Variants in GTF2IRD1 observed in about 807,000 individuals in gnomAD.
GTF2IRD1 encodes GTF2I repeat domain containing 1, also known as general transcription factor II-I repeat domain-containing protein 1.
In GTF2IRD1, 26 loss-of-function variants were observed where a neutral mutation model predicts 113.2. That is an observed-to-expected ratio of 0.23 (90% CI 0.17 to 0.32). The LOEUF (loss-of-function observed/expected upper bound fraction) is 0.32. Ranked by LOEUF, GTF2IRD1 falls within the 10% of genes least tolerant of loss-of-function variation. GTF2IRD1 has a pLI of 1.00. For missense variants in GTF2IRD1, 864 were observed against 1,280.8 expected, an observed-to-expected ratio of 0.67 and a Z score of 4.97; for synonymous variants, 484 against 529.1, an observed-to-expected ratio of 0.91 and a Z score of 1.17.
chr7:74,456,886 C>T (rs535410370), intron 1 of GTF2IRD1, among the ~76,000 whole-genome samples: 1 of 152,244 alleles, frequency 6.6e-6, no homozygotes, highest in South Asian at 2.1e-4. Context: ...CTCTTTTCCT[C>T]TCCTTCAGGA....
intron 1 of GTF2IRD1, among the ~76,000 whole-genome samples, chr7:74,485,564 C>A (rs1794974738): frequency 6.6e-6 from 1 of 151,616 alleles, no homozygotes; most frequent in African/African-American, 2.4e-5. Flanking sequence ...TTGCAGTGAG[C>A]CGAGATAGTG....
intron 25 of GTF2IRD1, 96 bp from the exon 26 acceptor site, chr7:74,600,948 G>A (rs1234509373): frequency 1.1e-5 from 15 of 1,385,532 alleles, no homozygotes; most frequent in East Asian, 2.3e-5. Context: ...AGGGGGACTC[G>A]AAACCTTAAG....
intron 22 of GTF2IRD1, among the ~76,000 whole-genome samples, chr7:74,567,339 GA>G (rs1288060009): frequency 1.7e-4 from 25 of 144,440 alleles, no homozygotes; most frequent in African/African-American, 2.3e-4. Context: ...AAATAAAAAA[GA>G]AAAAAAAAAG....
intron 1 of GTF2IRD1, among the ~76,000 whole-genome samples, chr7:74,502,234 C>T (rs1013853043): frequency 7.9e-5 from 12 of 152,204 alleles, no homozygotes; most frequent in African/African-American, 2.9e-4. Context: ...CCACCATGCC[C>T]GGCCAGAAAG....
intron 2 of GTF2IRD1, among the ~76,000 whole-genome samples, chr7:74,510,783 T>C (rs1584558588): frequency 6.6e-6 from 1 of 151,922 alleles, no homozygotes; most frequent in South Asian, 2.1e-4. Context: ...GCGCAATGGC[T>C]CACGCATATA....
chr7:74,546,140 G>A (rs1554353193), intron 16 of GTF2IRD1, among the ~76,000 whole-genome samples: 2 of 151,130 alleles, frequency 1.3e-5, no homozygotes, highest in East Asian at 1.9e-4. Context: ...GGGTCCTCAA[G>A]AAGACTCATA....
At chr7:74,480,928 A>G (rs1247599659) in intron 1 of GTF2IRD1, among the ~76,000 whole-genome samples, 2 of 152,044 alleles carry the variant, frequency 1.3e-5, no homozygotes, top group South Asian at 2.1e-4. Context: ...AGAAGCCTAG[A>G]TGAAGGGCAG....
At chr7:74,520,261 A>G (rs1305027303) in intron 6 of GTF2IRD1, among the ~76,000 whole-genome samples, 2 of 152,002 alleles carry the variant, frequency 1.3e-5, no homozygotes, top group Non-Finnish European at 2.9e-5. Flanking sequence ...AGCCTGATTA[A>G]GGGCACTGGG....
At chr7:74,474,060 C>T (rs1408477622) in intron 1 of GTF2IRD1, among the ~76,000 whole-genome samples, 1 of 135,628 alleles carries the variant, frequency 7.4e-6, no homozygotes, top group Non-Finnish European at 1.6e-5. Context: ...CCCATCTCTA[C>T]TAAAAATACA....
At chr7:74,585,851 C>T (rs1419729786) in intron 22 of GTF2IRD1, among the ~76,000 whole-genome samples, 2 of 151,394 alleles carry the variant, frequency 1.3e-5, no homozygotes, top group African/African-American at 4.9e-5. Flanking sequence ...CACTGCACTC[C>T]AGTCCAGCCT....
At chr7:74,480,464 C>A (rs1163309387) in intron 1 of GTF2IRD1, among the ~76,000 whole-genome samples, 5 of 152,228 alleles carry the variant, frequency 3.3e-5, no homozygotes, top group African/African-American at 1.2e-4. Context: ...TGCAGGGAGC[C>A]GTGGCCCTGC....
At chr7:74,559,416 C>T (rs1338794777) in intron 21 of GTF2IRD1, among the ~76,000 whole-genome samples, 1 of 152,266 alleles carries the variant, frequency 6.6e-6, no homozygotes, top group Non-Finnish European at 1.5e-5. Flanking sequence ...AGGTCTGCGT[C>T]CTGCAGAGTG....
intron 1 of GTF2IRD1, among the ~76,000 whole-genome samples, chr7:74,481,639 G>A (rs1276035104): frequency 6.6e-6 from 1 of 152,166 alleles, no homozygotes; most frequent in African/African-American, 2.4e-5. Flanking sequence ...TGCCCCTGAG[G>A]TCATCCTGTC....
chr7:74,562,316 C>T (rs1370249947), intron 22 of GTF2IRD1, among the ~76,000 whole-genome samples: 8 of 152,044 alleles, frequency 5.3e-5, no homozygotes, highest in Non-Finnish European at 7.4e-5. Context: ...TGCAGAGAGG[C>T]GGGTGGCTGG....
intron 1 of GTF2IRD1, among the ~76,000 whole-genome samples, chr7:74,501,399 G>A (rs1796021459): frequency 6.6e-6 from 1 of 152,202 alleles, no homozygotes; most frequent in South Asian, 2.1e-4. Context: ...GAGCTTGTGA[G>A]AATTAAACTG....
intron 9 of GTF2IRD1, among the ~76,000 whole-genome samples, chr7:74,531,846 G>A (rs1583810970): frequency 6.6e-6 from 1 of 152,216 alleles, no homozygotes; most frequent in African/African-American, 2.4e-5. Flanking sequence ...TGTTATTGGT[G>A]GTACAGCTCT....
At chr7:74,583,789 T>C (rs1286489570) in intron 22 of GTF2IRD1, among the ~76,000 whole-genome samples, 2 of 152,134 alleles carry the variant, frequency 1.3e-5, no homozygotes, top group Non-Finnish European at 2.9e-5. Flanking sequence ...AGTTTCCTGA[T>C]TGGCTAAAGC....
chr7:74,528,160 A>G (rs1487867755), intron 8 of GTF2IRD1, among the ~76,000 whole-genome samples: 1 of 152,224 alleles, frequency 6.6e-6, no homozygotes, highest in Admixed American at 6.5e-5. Flanking sequence ...CTATGCAGAA[A>G]GCACTTAGTG....
In GTF2IRD1 at chr7:74,558,279, CAAAA is replaced by C. The variant is rs142472718; in HGVS notation, c.2108-566_2108-563del. Among the ~76,000 whole-genome samples, 402 of 60,844 alleles carry C rather than the reference CAAAA, an allele frequency of 6.6e-3. 3 individuals are homozygous for C. Among genetic ancestry groups the C allele is most frequent in the African/African-American group, 0.018 (297 of 16,966 alleles). The allele number at this position is 60,844 out of a possible 152,430, so 39.9% of individuals were successfully genotyped here. ...AGGCAACAAAAGCGAAACTCCGTCT[CAAAA>C]AAAAAAAAAAAAAAATGGAGCATAT... On this transcript the variant is annotated intron_variant, in intron 20 of 26. Transcript: ENST00000424337.
Sources: gnomAD v4.1 joint callset for allele counts (sites outside exome capture counted in the v4.1 genomes callset) on GRCh38, gnomAD v4.1.1 for gene constraint, MANE v1.5 for transcripts, NCBI Gene and HGNC (gene_info 2026-07-23, HGNC 2026-07-21) for gene names.